ERBB4: variants seen among roughly 807,000 people sequenced by gnomAD.
ERBB4 encodes receptor tyrosine-protein kinase erbB-4.
In ERBB4, 42 loss-of-function variants were observed where a neutral mutation model predicts 158.0. The observed-to-expected ratio is 0.27, with a 90% confidence interval of 0.21 to 0.34. The LOEUF (loss-of-function observed/expected upper bound fraction) is 0.34, where lower values mean the gene tolerates loss of function less well. Ranked by LOEUF, ERBB4 falls within the 10% of genes least tolerant of loss-of-function variation. ERBB4 has a pLI of 1.00. For synonymous variants in ERBB4, 583 were observed against 558.7 expected, an observed-to-expected ratio of 1.04 and a Z score of -0.61; for missense variants, 1,333 against 1,624.1, an observed-to-expected ratio of 0.82 and a Z score of 3.08.
chr2:211,558,347 T>C (rs139713297), intron 20 of ERBB4, among the ~76,000 whole-genome samples: 3 of 152,162 alleles, frequency 2.0e-5, no homozygotes, highest in Admixed American at 6.5e-5. Context: ...GATCTGTTCT[T>C]ATGTCTTCTG....
intron 3 of ERBB4, among the ~76,000 whole-genome samples, chr2:211,836,840 G>A (rs1440753532): frequency 6.6e-6 from 1 of 151,844 alleles, no homozygotes; most frequent in Non-Finnish European, 1.5e-5. Flanking sequence ...TATATGAAAT[G>A]AGGTTATTAA....
intron 1 of ERBB4, among the ~76,000 whole-genome samples, chr2:212,484,701 G>A (rs1191936789): frequency 1.3e-5 from 2 of 152,144 alleles, no homozygotes; most frequent in African/African-American, 2.4e-5. Context: ...GCTTTTTAAG[G>A]TTAGGCCTAC....
chr2:212,049,112 T>C (rs901316222), intron 2 of ERBB4, among the ~76,000 whole-genome samples: 1 of 152,220 alleles, frequency 6.6e-6, no homozygotes, highest in Non-Finnish European at 1.5e-5. Flanking sequence ...AAGGTGGTGA[T>C]TTGTTATATA....
chr2:211,831,244 G>T (rs2077212438), intron 3 of ERBB4, among the ~76,000 whole-genome samples: 1 of 152,072 alleles, frequency 6.6e-6, no homozygotes, highest in Admixed American at 6.6e-5. Flanking sequence ...GTGGCTACTG[G>T]GACAACAAAG....
intron 3 of ERBB4, among the ~76,000 whole-genome samples, chr2:211,929,841 T>A (rs748508275): frequency 6.6e-6 from 1 of 152,312 alleles, no homozygotes; most frequent in East Asian, 1.9e-4. Flanking sequence ...CATATGCATC[T>A]ATACACATGT....
intron 1 of ERBB4, among the ~76,000 whole-genome samples, chr2:212,241,271 A>T (rs894922120): frequency 1.2e-4 from 18 of 150,432 alleles, no homozygotes; most frequent in African/African-American, 4.3e-4. Context: ...ATAAAAAAAT[A>T]AAAAAATAAA....
At chr2:212,210,167 T>C (rs1340685854) in intron 1 of ERBB4, among the ~76,000 whole-genome samples, 1 of 134,922 alleles carries the variant, frequency 7.4e-6, no homozygotes, top group Non-Finnish European at 1.6e-5. Flanking sequence ...GAAATGAAAG[T>C]AGGAAGTTAA....
intron 3 of ERBB4, among the ~76,000 whole-genome samples, chr2:211,862,978 T>C (rs2078103015): frequency 6.6e-6 from 1 of 151,688 alleles, no homozygotes; most frequent in Non-Finnish European, 1.5e-5. Context: ...GCACTCTGCG[T>C]CTAGCTAAAG....
At chr2:211,950,690 A>T (rs917284695) in intron 2 of ERBB4, among the ~76,000 whole-genome samples, 1 of 152,158 alleles carries the variant, frequency 6.6e-6, no homozygotes, top group Non-Finnish European at 1.5e-5. Context: ...CATATCTGGC[A>T]TCAAATTGGG....
At chr2:211,857,231 C>G (rs2077893770) in intron 3 of ERBB4, among the ~76,000 whole-genome samples, 1 of 151,162 alleles carries the variant, frequency 6.6e-6, no homozygotes, top group Non-Finnish European at 1.5e-5. Flanking sequence ...GTTTTTGCAA[C>G]TGATATTTTA....
intron 1 of ERBB4, among the ~76,000 whole-genome samples, chr2:212,154,338 T>C (rs571501010): frequency 2.0e-5 from 3 of 152,296 alleles, no homozygotes; most frequent in Admixed American, 6.5e-5. Flanking sequence ...AAGGAAATTA[T>C]TGATTTTTCT....
chr2:211,930,950 G>A (rs1414841914), intron 3 of ERBB4, among the ~76,000 whole-genome samples: 5 of 152,012 alleles, frequency 3.3e-5, no homozygotes, highest in Non-Finnish European at 5.9e-5. Flanking sequence ...AGTAATCTCT[G>A]GGGAAACAAA....
At chr2:211,549,421 C>T (rs1168314965) in intron 20 of ERBB4, among the ~76,000 whole-genome samples, 2 of 151,968 alleles carry the variant, frequency 1.3e-5, no homozygotes, top group Non-Finnish European at 2.9e-5. Flanking sequence ...GACCTATGTT[C>T]CTACGGTCAC....
intron 1 of ERBB4, among the ~76,000 whole-genome samples, chr2:212,359,053 G>C (rs1297786433): frequency 6.6e-6 from 1 of 151,612 alleles, no homozygotes. Context: ...CAGAGGATGA[G>C]GGAAAATAAA....
At chr2:211,555,450 G>T (rs1181821222) in intron 20 of ERBB4, among the ~76,000 whole-genome samples, 1 of 152,198 alleles carries the variant, frequency 6.6e-6, no homozygotes, top group Non-Finnish European at 1.5e-5. Context: ...CTCCCAAAGT[G>T]CTGGGATTAC....
intron 3 of ERBB4, among the ~76,000 whole-genome samples, chr2:211,899,924 G>A (rs978973662): frequency 3.9e-5 from 6 of 151,978 alleles, no homozygotes; most frequent in Admixed American, 1.3e-4. Flanking sequence ...TGGAATAAAC[G>A]GAAAGGCAAA....
At chr2:211,893,215 T>C (rs1470832910) in intron 3 of ERBB4, among the ~76,000 whole-genome samples, 1 of 144,604 alleles carries the variant, frequency 6.9e-6, no homozygotes, top group Non-Finnish European at 1.5e-5. Context: ...AACAGAGATA[T>C]AGATCAATGG....
At chr2:211,410,263 C>T (rs1024242767) in intron 25 of ERBB4, among the ~76,000 whole-genome samples, 1 of 152,184 alleles carries the variant, frequency 6.6e-6, no homozygotes, top group Non-Finnish European at 1.5e-5. Context: ...CCAATCTCTC[C>T]TCTTTTCCCG....
chr2:212,469,664 T>A (rs969447338), intron 1 of ERBB4, among the ~76,000 whole-genome samples: 10 of 152,212 alleles, frequency 6.6e-5, no homozygotes, highest in Non-Finnish European at 1.5e-4. Context: ...CTGATATTAC[T>A]GTTTTTTAAT....
Sources: allele counts gnomAD v4.1 joint callset (sites outside exome capture counted in the v4.1 genomes callset), GRCh38; gene constraint gnomAD v4.1.1; transcripts MANE v1.5; gene names NCBI Gene and HGNC (gene_info 2026-07-23, HGNC 2026-07-21).